ANK3: variants seen among roughly 807,000 people sequenced by gnomAD.
ANK3 encodes ankyrin-3.
ANK3 carries 57 observed loss-of-function variants against 370.9 expected under a neutral mutation model. The ratio of observed to expected loss-of-function variants is 0.15; its 90% CI spans 0.12 to 0.19. The LOEUF (loss-of-function observed/expected upper bound fraction) is 0.19. ANK3 is among the 10% of genes least tolerant of loss of function. The pLI is 1.00. For synonymous variants in ANK3, 1,929 were observed against 1,946.3 expected (o/e 0.99, Z 0.23); for missense variants, 4,439 against 5,302.1 (o/e 0.84, Z 5.06).
chr10:60,530,286 T>G (rs1207551603), intron 2 of ANK3, among the ~76,000 whole-genome samples: 1 of 152,290 alleles, frequency 6.6e-6, no homozygotes, highest in African/African-American at 2.4e-5. Flanking sequence ...TTTGAGCATC[T>G]GGAACCCTGT....
At chr10:60,137,122 T>A (rs1418763354) in intron 24 of ANK3, among the ~76,000 whole-genome samples, 1 of 152,214 alleles carries the variant, frequency 6.6e-6, no homozygotes, top group East Asian at 1.9e-4. Context: ...ATTCCTTAAG[T>A]ATCTGGTAAA....
intron 26 of ANK3, among the ~76,000 whole-genome samples, chr10:60,113,192 GT>G (rs372194366): frequency 8.1e-5 from 12 of 148,270 alleles, no homozygotes; most frequent in African/African-American, 9.9e-5. Context: ...ACACTGGTAT[GT>G]TTTTTTTTTA....
chr10:60,383,605 C>T (rs902037549), intron 1 of ANK3, among the ~76,000 whole-genome samples: 2 of 152,140 alleles, frequency 1.3e-5, no homozygotes, highest in Non-Finnish European at 2.9e-5. Flanking sequence ...AGCTCATAGT[C>T]TCTTGGTAAG....
At chr10:60,360,646 C>T (rs1310542893) in intron 1 of ANK3, among the ~76,000 whole-genome samples, 2 of 152,052 alleles carry the variant, frequency 1.3e-5, no homozygotes, top group African/African-American at 4.8e-5. Flanking sequence ...GAGGTTGAGG[C>T]TGCAGTTCAC....
intron 2 of ANK3, among the ~76,000 whole-genome samples, chr10:60,450,427 T>C (rs1311928618): frequency 6.6e-6 from 1 of 152,170 alleles, no homozygotes; most frequent in African/African-American, 2.4e-5. Context: ...CAATCAGCAA[T>C]CAGCTCTTTC....
chr10:60,663,475 A>C (rs1047319265), intron 1 of ANK3, among the ~76,000 whole-genome samples: 4 of 149,040 alleles, frequency 2.7e-5, no homozygotes, highest in African/African-American at 7.5e-5. Flanking sequence ...TGACTTCCTC[A>C]CATCTGCTTA....
intron 1 of ANK3, among the ~76,000 whole-genome samples, chr10:60,372,085 T>C (rs1258692837): frequency 1.3e-5 from 2 of 152,232 alleles, no homozygotes; most frequent in Non-Finnish European, 2.9e-5. Context: ...TACCGCTGTT[T>C]ATAAATGTTG....
intron 2 of ANK3, among the ~76,000 whole-genome samples, chr10:60,526,260 C>T (rs756372381): frequency 3.3e-5 from 5 of 152,058 alleles, no homozygotes; most frequent in South Asian, 4.1e-4. Flanking sequence ...ATACAAAAGA[C>T]GTATTTGATA....
intron 2 of ANK3, among the ~76,000 whole-genome samples, chr10:60,516,723 T>C (rs1187298026): frequency 6.6e-6 from 1 of 152,102 alleles, no homozygotes; most frequent in Non-Finnish European, 1.5e-5. Flanking sequence ...ACTATGATTG[T>C]GCCTGTGAAT....
chr10:60,432,078 C>T (rs369426035), intron 2 of ANK3, among the ~76,000 whole-genome samples: 26 of 152,092 alleles, frequency 1.7e-4, no homozygotes, highest in African/African-American at 6.3e-4. Context: ...GTTTGCCATC[C>T]CTGTTTATAA....
rs2063336284 is a variant in ANK3 at position 60,400,727 on chromosome 10, C to A, written c.97-121088G>T. Among the ~76,000 whole-genome samples the A allele has an allele frequency of 2.6e-5, 4 of 152,192 alleles. No individual in the cohort carries two copies. In the South Asian group the frequency reaches 6.2e-4, roughly 24 times the overall value. On this transcript the variant is annotated intron_variant, in intron 2 of 43. Transcript: ENST00000373827. ...TTATTTATTTTTTAATTTTTAAGTT[C>A]TTGGGTGCATGTGCAGGATGTGTAG...
chr10:60,144,142 C>G (rs556838393), intron 23 of ANK3: 1 of 404,828 alleles, frequency 2.5e-6, no homozygotes, highest in Non-Finnish European at 4.8e-6. Flanking sequence ...AGCTGAGCCC[C>G]GATTAACTCA....
At chr10:60,339,132 T>C (rs1368289788) in intron 1 of ANK3, among the ~76,000 whole-genome samples, 3 of 152,156 alleles carry the variant, frequency 2.0e-5, no homozygotes, top group Admixed American at 6.5e-5. Flanking sequence ...GATTAAAAGG[T>C]TCAGACATTA....
intron 2 of ANK3, among the ~76,000 whole-genome samples, chr10:60,457,026 G>A (rs1403050241): frequency 1.3e-5 from 2 of 152,170 alleles, no homozygotes; most frequent in South Asian, 2.1e-4. Context: ...AAACATTGGT[G>A]GGTCTCCATT....
chr10:60,430,426 G>A (rs1241098438), intron 2 of ANK3, among the ~76,000 whole-genome samples: 1 of 152,176 alleles, frequency 6.6e-6, no homozygotes, highest in Non-Finnish European at 1.5e-5. Flanking sequence ...CTAGCCATCT[G>A]TTCATCAACT....
At chr10:60,345,188 C>CA (rs1440458544) in intron 1 of ANK3, among the ~76,000 whole-genome samples, 8 of 152,108 alleles carry the variant, frequency 5.3e-5, no homozygotes, top group Non-Finnish European at 1.2e-4. Context: ...ACTGTAGAAA[C>CA]AAAAAACTGC....
intron 2 of ANK3, among the ~76,000 whole-genome samples, chr10:60,406,274 A>C (rs1459950281): frequency 6.6e-6 from 1 of 152,220 alleles, no homozygotes; most frequent in Non-Finnish European, 1.5e-5. Flanking sequence ...TATTTACAAA[A>C]ACAGGCAGGC....
At chr10:60,397,362 C>CAATGAACTGACTTCCTGCCATGG (rs2063263755) in intron 2 of ANK3, among the ~76,000 whole-genome samples, 1 of 152,148 alleles carries the variant, frequency 6.6e-6, no homozygotes, top group African/African-American at 2.4e-5. Context: ...TTGGATTTAG[C>CAATGAACTGACTTCCTGCCATGG]AATGAACTGA....
chr10:60,075,825 C>A lies in ANK3; in HGVS notation c.5056G>T (p.Val1686Phe). ...KSVVSPVKSA[V>F]DVISSAKITM... is the part of the protein sequence containing the mutation. ...ATTTTGGCTGATGAAATGACATCAA[C>A]TGCTGATTTAACTGGAGACACCACT... Residue 1686 changes from valine (V) to phenylalanine (F), a missense_variant, in exon 37 of 44, where the codon GTT becomes TTT. By Grantham distance (50) the Val-to-Phe change is conservative. Transcript: ENST00000280772. The A allele has an allele frequency of 6.2e-7, 1 of 1,614,042 alleles. No homozygotes were observed. Among genetic ancestry groups the A allele is most frequent in the Non-Finnish European group, 8.5e-7 (1 of 1,179,884 alleles).
Sources: gnomAD v4.1 joint callset for allele counts (sites outside exome capture counted in the v4.1 genomes callset) on GRCh38, gnomAD v4.1.1 for gene constraint, MANE v1.5 for transcripts, NCBI Gene and HGNC (gene_info 2026-07-23, HGNC 2026-07-21) for gene names.